Variants in SNAPC1 observed in about 807,000 individuals in gnomAD.
SNAPC1 encodes snRNA-activating protein complex subunit 1.
SNAPC1 carries 42 observed loss-of-function variants against 50.1 expected under a neutral mutation model. The ratio of observed to expected loss-of-function variants is 0.84; its 90% CI spans 0.65 to 1.08. The LOEUF (loss-of-function observed/expected upper bound fraction) is 1.08. Among genes scored for constraint, SNAPC1 ranks in the 50% least tolerant of loss-of-function variants. The pLI is 0.00. For synonymous variants in SNAPC1, 164 were observed against 144.2 expected (o/e 1.14, Z -0.98); for missense variants, 477 against 427.3 (o/e 1.12, Z -1.02).
chr14:61,774,466 A>G (rs1464259236), intron 4 of SNAPC1, among the ~76,000 whole-genome samples: 1 of 152,192 alleles, frequency 6.6e-6, no homozygotes, highest in Non-Finnish European at 1.5e-5. Context: ...AGCAAATGAC[A>G]GAGCTCAGAC....
intron 8 of SNAPC1, among the ~76,000 whole-genome samples, chr14:61,790,434 C>A (rs1168067287): frequency 1.3e-5 from 2 of 152,160 alleles, no homozygotes; most frequent in African/African-American, 4.8e-5. Flanking sequence ...CTCCTGGGTT[C>A]AAGCGATTCT....
At chr14:61,767,119 T>G in intron 2 of SNAPC1, 84 bp downstream of exon 2, 3 of 1,096,472 alleles carry the variant, frequency 2.7e-6, no homozygotes, top group South Asian at 5.5e-5. Context: ...TGATTAAATA[T>G]GATTTAAATA....
At chr14:61,779,154 C>A (rs1159590349) in intron 7 of SNAPC1, among the ~76,000 whole-genome samples, 2 of 152,138 alleles carry the variant, frequency 1.3e-5, no homozygotes, top group Non-Finnish European at 2.9e-5. Context: ...AATTTTGATG[C>A]CATTTCCTTT....
intron 4 of SNAPC1, among the ~76,000 whole-genome samples, chr14:61,773,194 A>G (rs964542734): frequency 3.5e-4 from 53 of 151,882 alleles, no homozygotes; most frequent in African/African-American, 1.3e-3. Context: ...GAATCAAAAC[A>G]TTTGACTTCT....
chr14:61,777,514 T>C (rs1280730606), intron 5 of SNAPC1, among the ~76,000 whole-genome samples: 1 of 152,010 alleles, frequency 6.6e-6, no homozygotes, highest in African/African-American at 2.4e-5. Flanking sequence ...TGTAACTGGG[T>C]TTGCAGACAC....
chr14:61,773,521 A>G (rs2045010617), intron 4 of SNAPC1, among the ~76,000 whole-genome samples: 2 of 146,596 alleles, frequency 1.4e-5, no homozygotes, highest in East Asian at 4.0e-4. Flanking sequence ...CGGCCTGCTG[A>G]GTAGATGGGA....
chr14:61,768,584 A>T, intron 3 of SNAPC1, 52 bp from the exon 4 acceptor site: 1 of 989,990 alleles, frequency 1.0e-6, no homozygotes, highest in Non-Finnish European at 1.6e-6. Flanking sequence ...CAATACTTTT[A>T]ACAATACTGT....
intron 7 of SNAPC1, among the ~76,000 whole-genome samples, chr14:61,779,249 C>T (rs950382870): frequency 6.6e-6 from 1 of 152,178 alleles, no homozygotes; most frequent in East Asian, 1.9e-4. Flanking sequence ...TCATTTAATA[C>T]ATATAATGTA....
intron 8 of SNAPC1, among the ~76,000 whole-genome samples, chr14:61,788,880 G>A (rs770300217): frequency 6.6e-6 from 1 of 152,170 alleles, no homozygotes; most frequent in Non-Finnish European, 1.5e-5. Flanking sequence ...CAACTCAAAT[G>A]TATAATGGGT....
At chr14:61,787,888 A>G (rs1237607211) in intron 8 of SNAPC1, among the ~76,000 whole-genome samples, 1 of 152,222 alleles carries the variant, frequency 6.6e-6, no homozygotes, top group African/African-American at 2.4e-5. Flanking sequence ...AATTGCCTTC[A>G]TATAGGCACA....
chr14:61,778,040 T>C lies in SNAPC1; in HGVS notation c.694-32T>C, dbSNP rs772115485. On this transcript the variant is annotated intron_variant, in intron 5 of 9. Transcript: ENST00000216294. ...ATTGAATTGTAAATTTGTATGTGTG[T>C]ATGTGTGTATGTATCTTTTTTGCTC... 43 of 1,101,524 alleles carry C rather than the reference T, an allele frequency of 3.9e-5. No homozygotes were observed. The South Asian group carries it at 6.0e-4, about 15-fold the overall frequency. 68.2% of individuals were successfully genotyped at this position (1,101,524 alleles called of 1,614,324 possible). A position where few individuals can be genotyped will look rare whatever the true frequency, so the allele number is the denominator to read the frequency against.
rs1185790104 is a variant in SNAPC1, at chr14:61,796,403, G to A, written c.*1420G>A. The A allele has an allele frequency of 6.6e-6, 1 of 152,040 alleles. No individual in the cohort carries two copies. The highest frequency in any genetic ancestry group is 2.4e-5 in the African/African-American group (1 of 41,404). The allele number at this position is 152,040 out of a possible 1,614,324, so 9.4% of individuals were successfully genotyped here. On this transcript the variant is annotated 3_prime_UTR_variant, in exon 10 of 10. Coordinates refer to ENST00000216294, the MANE Select transcript of SNAPC1 (RefSeq NM_003082.4). Reference sequence around the variant, plus strand: ...TAAAAATCAGAATGCTAATGCTGACGCAAATAAAATTTTCATTTATTAGCA... The same window carrying A: ...TAAAAATCAGAATGCTAATGCTGACACAAATAAAATTTTCATTTATTAGCA...
chr14:61,771,488 C>G (rs919052673), intron 4 of SNAPC1, among the ~76,000 whole-genome samples: 4 of 151,636 alleles, frequency 2.6e-5, no homozygotes, highest in Non-Finnish European at 4.4e-5. Context: ...TTTTTTTTTC[C>G]CTCTAGCAGC....
intron 5 of SNAPC1, 136 bp from the exon 6 acceptor site, chr14:61,777,936 G>T: frequency 1.9e-6 from 1 of 517,694 alleles, no homozygotes; most frequent in Non-Finnish European, 3.4e-6. Flanking sequence ...AATGTTAGGT[G>T]GTATATAATG....
In SNAPC1 at chr14:61,767,523, G is replaced by A. The variant is rs145119931; in HGVS notation, c.429+171G>A. 7.3e-3 allele frequency among the ~76,000 whole-genome samples: 1,112 copies of A among 151,986 alleles called. 20 individuals carry two copies. Among genetic ancestry groups the A allele is most frequent in the African/African-American group, 0.026 (1,066 of 41,442 alleles). ...CTGTCGCCCAGGCTGGAGTGCAGTG[G>A]CACCATCTCGGCTGACTGCAACCTC... On this transcript the variant is annotated intron_variant, in intron 3 of 9. Transcript: ENST00000216294.
intron 9 of SNAPC1, among the ~76,000 whole-genome samples, chr14:61,794,311 C>CT (rs763333956): frequency 1.3e-5 from 2 of 152,054 alleles, no homozygotes; most frequent in African/African-American, 2.4e-5. Flanking sequence ...TTTAGAATGA[C>CT]TAAGGGCCAC....
At chr14:61,777,509 C>G (rs2045043501) in intron 5 of SNAPC1, among the ~76,000 whole-genome samples, 2 of 152,086 alleles carry the variant, frequency 1.3e-5, no homozygotes, top group South Asian at 4.1e-4. Flanking sequence ...TTCAGTGTAA[C>G]TGGGTTTGCA....
In SNAPC1 at chr14:61,792,839, C is replaced by A. The variant is rs761021076; in HGVS notation, c.1009C>A (p.Pro337Thr). ...NVQNIHKEDK[P>T]LSLSMPVITE... ...GCAGAATATACACAAGGAAGATAAA[C>A]CTTTAAGTCTGAGTATGCCTGTAAT... Residue 337 changes from proline to threonine, a missense_variant, in exon 9 of 10, where the codon CCT (proline) becomes ACT (threonine). By Grantham distance (38) the Pro-to-Thr change is conservative. Transcript: ENST00000216294. The A allele has an allele frequency of 6.3e-7, 1 of 1,596,320 alleles. No homozygotes were observed. The highest frequency in any genetic ancestry group is 1.1e-5 in the South Asian group (1 of 89,484).
In SNAPC1 at chr14:61,766,993, A is replaced by G. The variant is rs200019888; in HGVS notation, c.246A>G (p.Leu82=). 5.6e-6 allele frequency: 9 copies of G among 1,609,816 alleles called. No homozygotes were observed. The highest frequency in any genetic ancestry group is 2.2e-5 in the South Asian group (2 of 90,590). The change falls in exon 2 of 10, where the codon CTA becomes CTG. Residue 82 remains leucine (L), a synonymous_variant. Coordinates refer to ENST00000216294, the MANE Select transcript of SNAPC1 (RefSeq NM_003082.4). ...FQIRVGALYL[L]YGLYNTQLCQ... The stretch of plus-strand genomic sequence containing the variant: ...TCAGAGTTGGTGCTTTGTATCTGCT[A>G]TATGGATTATATAATACCCAACTGT...
Sources: allele counts gnomAD v4.1 joint callset (sites outside exome capture counted in the v4.1 genomes callset), GRCh38; gene constraint gnomAD v4.1.1; transcripts MANE v1.5; gene names NCBI Gene and HGNC (gene_info 2026-07-23, HGNC 2026-07-21).